Variants in SHISA9 observed in about 807,000 individuals in gnomAD.
The protein encoded by SHISA9 is shisa family member 9.
In SHISA9, 13 loss-of-function variants were observed where a neutral mutation model predicts 38.0. The ratio of observed to expected loss-of-function variants is 0.34; its 90% CI spans 0.22 to 0.54. The LOEUF (loss-of-function observed/expected upper bound fraction) is 0.54, where lower values mean the gene tolerates loss of function less well. SHISA9 is among the 20% of genes least tolerant of loss of function. The pLI is 0.91. For synonymous variants in SHISA9, 275 were observed against 242.0 expected, an observed-to-expected ratio of 1.14 and a Z score of -1.27; for missense variants, 538 against 575.8, an observed-to-expected ratio of 0.93 and a Z score of 0.67.
At chr16:13,275,317 C>T in the SHISA9 span, among the ~76,000 whole-genome samples, 2 of 152,052 alleles carry the variant, frequency 1.3e-5, no homozygotes, top group Non-Finnish European at 2.9e-5. Context: ...AAGTTCAACA[C>T]TATATTCTAT....
At chr16:13,153,271 GAAAA>G (rs1300136410) in intron 2 of SHISA9, among the ~76,000 whole-genome samples, 1 of 147,498 alleles carries the variant, frequency 6.8e-6, no homozygotes, top group Non-Finnish European at 1.5e-5. Flanking sequence ...AGCTCAACCA[GAAAA>G]AAAAAACAAA....
At chr16:13,038,745 C>G (rs897850650) in intron 2 of SHISA9, among the ~76,000 whole-genome samples, 13 of 152,294 alleles carry the variant, frequency 8.5e-5, no homozygotes, top group African/African-American at 3.1e-4. Flanking sequence ...TTTGTTAATT[C>G]TCTTCCTCAC....
At chr16:13,545,595 T>C in the SHISA9 span, among the ~76,000 whole-genome samples, 5 of 152,104 alleles carry the variant, frequency 3.3e-5, no homozygotes, top group African/African-American at 1.2e-4. Context: ...CTGCTTGAGG[T>C]CTTGCTGCTT....
the SHISA9 span, among the ~76,000 whole-genome samples, chr16:13,325,110 A>T: frequency 6.6e-6 from 1 of 152,188 alleles, no homozygotes; most frequent in Non-Finnish European, 1.5e-5. Context: ...CAGTACTTAA[A>T]ATGTGTCAGA....
chr16:13,462,716 G>T, the SHISA9 span, among the ~76,000 whole-genome samples: 2 of 152,048 alleles, frequency 1.3e-5, no homozygotes, highest in South Asian at 4.1e-4. Flanking sequence ...AATCGTAGCA[G>T]TTTAGGAGGC....
chr16:13,138,652 T>C (rs912821741), intron 2 of SHISA9, among the ~76,000 whole-genome samples: 2 of 152,230 alleles, frequency 1.3e-5, no homozygotes, highest in Admixed American at 6.5e-5. Context: ...TTCACAATTA[T>C]GGATGGATGT....
chr16:13,416,128 T>TA, the SHISA9 span, among the ~76,000 whole-genome samples: 1 of 151,862 alleles, frequency 6.6e-6, no homozygotes. Flanking sequence ...ATATTCTACA[T>TA]GAAAAAAAAC....
At chr16:12,934,699 G>A (rs912960811) in intron 2 of SHISA9, among the ~76,000 whole-genome samples, 2 of 152,108 alleles carry the variant, frequency 1.3e-5, no homozygotes, top group Non-Finnish European at 2.9e-5. Flanking sequence ...TATCAGCCAA[G>A]CCCCTTTAAA....
Position 13,019,895 on chromosome 16 carries a change from CTTTCTTT to C in SHISA9, c.691+103081_691+103087del, listed in dbSNP as rs1567184120. Among the ~76,000 whole-genome samples the C allele has an allele frequency of 6.3e-4, 13 of 20,576 alleles. 1 individual carries two copies. The highest frequency in any genetic ancestry group is 1.2e-3 in the East Asian group (1 of 864). 13.5% of individuals were successfully genotyped at this position (20,576 alleles called of 152,430 possible). A position where few individuals can be genotyped will look rare whatever the true frequency, so the allele number is the denominator to read the frequency against. ...CCCTCCCTCCCTCCCTTCTTTCTTT[CTTTCTTT>C]CTTTCTTTCTTTCTTTCTTTCTTTC... is the stretch of plus-strand genomic sequence containing the variant. On this transcript the variant is annotated intron_variant, in intron 2 of 4. Coordinates refer to ENST00000558583, the MANE Select transcript of SHISA9 (RefSeq NM_001145204.3).
the SHISA9 span, among the ~76,000 whole-genome samples, chr16:13,255,093 A>C: frequency 6.6e-6 from 1 of 152,160 alleles, no homozygotes; most frequent in Non-Finnish European, 1.5e-5. Context: ...GGTGGAGGAC[A>C]TCACTGATGC....
the SHISA9 span, among the ~76,000 whole-genome samples, chr16:13,395,132 A>G: frequency 2.0e-5 from 3 of 152,158 alleles, no homozygotes; most frequent in Admixed American, 6.6e-5. Flanking sequence ...GGCAGGTTTC[A>G]TGAATATGCA....
At chr16:13,458,936 C>T in the SHISA9 span, among the ~76,000 whole-genome samples, 1 of 151,526 alleles carries the variant, frequency 6.6e-6, no homozygotes, top group Non-Finnish European at 1.5e-5. Context: ...GGCGTGATCT[C>T]GGCTCACTGC....
chr16:13,318,140 A>G, the SHISA9 span, among the ~76,000 whole-genome samples: 3 of 152,124 alleles, frequency 2.0e-5, no homozygotes, highest in African/African-American at 4.8e-5. Flanking sequence ...GTTGTAAACA[A>G]TAGGTCATAA....
Position 13,237,123 on chromosome 16 carries a change from G to A in SHISA9, c.*1714G>A, listed in dbSNP as rs1164291565. 2 of 152,248 alleles carry A rather than the reference G, an allele frequency of 1.3e-5. No individual in the cohort carries two copies. The highest frequency in any genetic ancestry group is 3.4e-3 in the Middle Eastern group (1 of 294). The allele number at this position is 152,248 out of a possible 1,614,324, so 9.4% of individuals were successfully genotyped here. ...AACTCTGGTGTCAGAAGCTATAAAT[G>A]GTCTGGCCAAACAAGACTCAGAGTA... On this transcript the variant is annotated 3_prime_UTR_variant, in exon 5 of 5. Coordinates refer to ENST00000558583, the MANE Select transcript of SHISA9 (RefSeq NM_001145204.3).
At chr16:13,105,108 CTT>C (rs776011390) in intron 2 of SHISA9, among the ~76,000 whole-genome samples, 4 of 152,266 alleles carry the variant, frequency 2.6e-5, no homozygotes, top group Non-Finnish European at 5.9e-5. Context: ...ATATTAAAAA[CTT>C]AATATTGATA....
chr16:13,184,372 C>CT (rs1168037253), intron 2 of SHISA9, among the ~76,000 whole-genome samples: 1 of 152,166 alleles, frequency 6.6e-6, no homozygotes, highest in Non-Finnish European at 1.5e-5. Context: ...ATTTAAGCTC[C>CT]ATATTTCAGA....
Position 13,142,023 on chromosome 16 carries a change from G to A in SHISA9, c.692-61371G>A, listed in dbSNP as rs553984013. On this transcript the variant is annotated intron_variant, in intron 2 of 4. Transcript: ENST00000558583. ...TTAACTCAGATTGTAGAAAGATTAC[G>A]CACTGCACAAGTTGAAATAAACACA... Among the ~76,000 whole-genome samples the A allele has an allele frequency of 1.1e-3, 174 of 152,260 alleles. 1 individual carries two copies. The highest frequency in any genetic ancestry group is 3.9e-3 in the African/African-American group (163 of 41,546).
intron 2 of SHISA9, among the ~76,000 whole-genome samples, chr16:13,001,927 A>G (rs1466564227): frequency 6.6e-6 from 1 of 152,236 alleles, no homozygotes; most frequent in Non-Finnish European, 1.5e-5. Context: ...TGTGGAAGTT[A>G]GGTCATGTGT....
intron 2 of SHISA9, among the ~76,000 whole-genome samples, chr16:13,083,664 G>C (rs1219626771): frequency 6.6e-6 from 1 of 152,124 alleles, no homozygotes; most frequent in Non-Finnish European, 1.5e-5. Context: ...TCTCATGTTA[G>C]TCATTGACTA....
Sources: allele counts gnomAD v4.1 joint callset (sites outside exome capture counted in the v4.1 genomes callset), GRCh38; gene constraint gnomAD v4.1.1; transcripts MANE v1.5; gene names NCBI Gene and HGNC (gene_info 2026-07-23, HGNC 2026-07-21).